The following SPTBN4 variants were observed in gnomAD, a reference collection of about 807,000 sequenced individuals.
SPTBN4 encodes spectrin beta, non-erythrocytic 4, also known as spectrin beta chain, non-erythrocytic 4.
A neutral mutation model predicts 277.8 loss-of-function variants in SPTBN4; 96 were observed. The observed-to-expected ratio is 0.35, with a 90% CI of 0.29 to 0.41. SPTBN4 has a LOEUF of 0.41. Among genes scored for constraint, SPTBN4 ranks in the 10% least tolerant of loss-of-function variants. The pLI, the probability that SPTBN4 is intolerant of heterozygous loss-of-function variation, is 1.00. For synonymous variants in SPTBN4, 1,481 were observed against 1,580.3 expected, an observed-to-expected ratio of 0.94 and a Z score of 1.49; for missense variants, 3,006 against 3,595.7, an observed-to-expected ratio of 0.84 and a Z score of 4.19.
At position 40,567,701 on chromosome 19, in the gene SPTBN4, T is replaced by C; in HGVS notation, c.6375T>C (p.Pro2125=). Residue 2125 remains proline, a synonymous_variant, in exon 31 of 36, where the codon CCT becomes CCC. Coordinates refer to ENST00000598249, the MANE Select transcript of SPTBN4 (RefSeq NM_020971.3). ...AAGCGGAACAGAGCAAGCAGCCGCC[T>C]ACCCCACTGCTGGGGCGCAAGTTCT... is the stretch of plus-strand genomic sequence containing the variant. ...KIKAEQSKQP[P]TPLLGRKFFG... is the part of the protein sequence containing the mutation. The C allele has an allele frequency of 3.3e-6, 5 of 1,523,972 alleles. No individual in the cohort carries two copies. The highest frequency in any genetic ancestry group is 4.4e-6 in the Non-Finnish European group (5 of 1,133,190). 94.4% of individuals were successfully genotyped at this position (1,523,972 alleles called of 1,614,324 possible). A position where few individuals can be genotyped will look rare whatever the true frequency, so the allele number is the denominator to read the frequency against.
chr19:40,566,153 C>T lies in SPTBN4; in HGVS notation c.6140-10C>T. The T allele has an allele frequency of 6.7e-7, 1 of 1,496,870 alleles. No individual in the cohort carries two copies. Among genetic ancestry groups the T allele is most frequent in the Non-Finnish European group, 9.0e-7 (1 of 1,116,924 alleles). 92.7% of individuals were successfully genotyped at this position (1,496,870 alleles called of 1,614,324 possible). On this transcript the variant is annotated splice_polypyrimidine_tract_variant and intron_variant, in intron 29 of 35. Coordinates refer to ENST00000598249, the MANE Select transcript of SPTBN4 (RefSeq NM_020971.3). ...GCCCCAGAATCCTTACCCTGCATGC[C>T]CCTCCTCAGTGCTGGAGGTGCACCA...
chr19:40,512,594 C>T lies in SPTBN4; in HGVS notation c.1817-12C>T. ...GTGACCAATCCTGGATGCTCCCCTT[C>T]TCCTGGCTCAGGCTACCAGCCCTGC... On this transcript the variant is annotated splice_polypyrimidine_tract_variant and intron_variant, in intron 13 of 35. Coordinates refer to ENST00000598249, the MANE Select transcript of SPTBN4 (RefSeq NM_020971.3). 1 of 1,521,008 alleles carries T rather than the reference C, an allele frequency of 6.6e-7. No individual in the cohort carries two copies. The allele number at this position is 1,521,008 out of a possible 1,614,324, so 94.2% of individuals were successfully genotyped here. A position where few individuals can be genotyped will look rare whatever the true frequency, so the allele number is the denominator to read the frequency against.
Position 40,519,621 on chromosome 19 carries a change from C to A in SPTBN4, c.3124C>A (p.Leu1042Met). ...GCTGGAGCCGCGCCAGGCGGCCCTT[C>A]TGGAGGAGGCAGCCCTGCTGGCTGA... ...QALEPRQAAL[L>M]EEAALLAERF... Residue 1042 changes from leucine to methionine, a missense_variant, in exon 16 of 36, where the codon CTG (leucine) becomes ATG (methionine). This residue lies in a region of SPTBN4 where 1,759 missense variants were observed against 2,061.5 expected (regional missense o/e 0.85). Transcript: ENST00000598249. This position sits in a 1 kb window ranked among gnomAD's most constrained non-coding sequence, Gnocchi z 5.7. The A allele has an allele frequency of 6.9e-7, 1 of 1,446,180 alleles. No individual in the cohort carries two copies. The highest frequency in any genetic ancestry group is 3.1e-5 in the Admixed American group (1 of 32,554). The allele number at this position is 1,446,180 out of a possible 1,614,324, so 89.6% of individuals were successfully genotyped here. A position where few individuals can be genotyped will look rare whatever the true frequency, so the allele number is the denominator to read the frequency against.
chr19:40,558,337 A>G (rs897595321), intron 26 of SPTBN4, among the ~76,000 whole-genome samples: 1 of 150,590 alleles, frequency 6.6e-6, no homozygotes, highest in African/African-American at 2.4e-5. Flanking sequence ...AGCCTGGGCG[A>G]CAGAGTGAGA....
chr19:40,535,169 C>T (rs540846502), intron 20 of SPTBN4, among the ~76,000 whole-genome samples: 4 of 152,308 alleles, frequency 2.6e-5, no homozygotes, highest in African/African-American at 9.6e-5. Context: ...GATTCTCCCA[C>T]TTCAGCCTTC....
chr19:40,489,785 G>T (rs897491794), intron 3 of SPTBN4, among the ~76,000 whole-genome samples: 2 of 152,230 alleles, frequency 1.3e-5, no homozygotes, highest in South Asian at 4.1e-4. Context: ...CATGATGGGG[G>T]CGTGGTTATC....
intron 31 of SPTBN4, 86 bp downstream of exon 31, chr19:40,568,368 C>CA (rs2145956211): frequency 2.8e-6 from 4 of 1,448,494 alleles, no homozygotes; most frequent in Non-Finnish European, 3.6e-6. Context: ...GAAAGGGCTT[C>CA]AGGGCTCAGA....
chr19:40,470,337 G>A (rs774471690), intron 1 of SPTBN4, among the ~76,000 whole-genome samples: 2 of 150,690 alleles, frequency 1.3e-5, no homozygotes, highest in Non-Finnish European at 3.0e-5. Flanking sequence ...ATGGTGTCTC[G>A]CCCTGTTGCC....
chr19:40,506,866 T>C (rs1003367302), intron 13 of SPTBN4, among the ~76,000 whole-genome samples: 7 of 152,136 alleles, frequency 4.6e-5, no homozygotes, highest in Admixed American at 6.6e-5. Flanking sequence ...AAGCCTGTAG[T>C]GCCAGCTATT....
In SPTBN4 at chr19:40,515,471, G is replaced by T; in HGVS notation, c.2903+23G>T. 1 of 1,540,046 alleles carries T rather than the reference G, an allele frequency of 6.5e-7. No homozygotes were observed. Among genetic ancestry groups the T allele is most frequent in the Non-Finnish European group, 8.8e-7 (1 of 1,141,832 alleles). On this transcript the variant is annotated intron_variant, in intron 15 of 35. Coordinates refer to ENST00000598249, the MANE Select transcript of SPTBN4 (RefSeq NM_020971.3). The surrounding 1 kb of genome is among the most constrained non-coding windows in gnomAD (Gnocchi z 4.1). ...CAGGTAGGAGGGCCTGGGGCTGGGAGTCCCTCCCATCCTTCCCTTCCACAC... is the reference window on the plus strand; with the variant it reads ...CAGGTAGGAGGGCCTGGGGCTGGGATTCCCTCCCATCCTTCCCTTCCACAC...
Position 40,519,725 on chromosome 19 carries a change from G to A in SPTBN4, c.3228G>A (p.Ala1076=). ...LGAEWGALAS[A]AQACGEAVAA... Reference sequence around the variant, plus strand: ...CCGAGTGGGGCGCGCTAGCTAGCGCGGCTCAGGCCTGCGGCGAGGCGGTGG... The same window carrying A: ...CCGAGTGGGGCGCGCTAGCTAGCGCAGCTCAGGCCTGCGGCGAGGCGGTGG... The change falls in exon 16 of 36, where the codon GCG becomes GCA. Residue 1076 remains alanine (A), a synonymous_variant. Coordinates refer to ENST00000598249, the MANE Select transcript of SPTBN4 (RefSeq NM_020971.3). This position sits in a 1 kb window ranked among gnomAD's most constrained non-coding sequence, Gnocchi z 5.7. The A allele has an allele frequency of 1.4e-6, 2 of 1,395,144 alleles. No individual in the cohort carries two copies. Among genetic ancestry groups the A allele is most frequent in the East Asian group, 3.0e-5 (1 of 33,162 alleles). The allele number at this position is 1,395,144 out of a possible 1,614,324, so 86.4% of individuals were successfully genotyped here.
intron 24 of SPTBN4, among the ~76,000 whole-genome samples, chr19:40,555,741 G>A (rs1286190729): frequency 2.0e-5 from 3 of 151,894 alleles, no homozygotes; most frequent in African/African-American, 7.3e-5. Context: ...GGAACATAGT[G>A]AGACCTCATC....
intron 20 of SPTBN4, chr19:40,534,626 C>G: frequency 2.4e-6 from 1 of 421,586 alleles, no homozygotes; most frequent in Non-Finnish European, 4.4e-6. Context: ...AGGACCCTGA[C>G]ACTCATTTCC....
At chr19:40,468,599 C>T (rs553775314) in intron 1 of SPTBN4, among the ~76,000 whole-genome samples, 26 of 152,246 alleles carry the variant, frequency 1.7e-4, no homozygotes, top group African/African-American at 5.8e-4. Flanking sequence ...AGGCCGGTCT[C>T]GAATTCCTGG....
chr19:40,543,415 A>G (rs1056336376), intron 20 of SPTBN4, among the ~76,000 whole-genome samples: 5 of 152,156 alleles, frequency 3.3e-5, no homozygotes, highest in Non-Finnish European at 1.5e-5. Context: ...GTGATTACCC[A>G]TGACTCTCTA....
Position 40,520,068 on chromosome 19 carries a change from C to G in SPTBN4, c.3571C>G (p.Arg1191Gly). The G allele has an allele frequency of 6.6e-7, 1 of 1,514,982 alleles. No homozygotes were observed. Among genetic ancestry groups the G allele is most frequent in the Non-Finnish European group, 8.8e-7 (1 of 1,136,292 alleles). The allele number at this position is 1,514,982 out of a possible 1,614,324, so 93.8% of individuals were successfully genotyped here. ...WHKLLGLWEA[R>G]REALVQAHIY... ...TAAACTGCTCGGCTTGTGGGAGGCG[C>G]GCAGGGAGGCGCTGGTCCAGGCGCA... Residue 1191 changes from arginine to glycine, a missense_variant, in exon 16 of 36, where the codon CGC (arginine) becomes GGC (glycine). Around this residue, in one of 5 missense-constraint regions of SPTBN4, gnomAD observed 1,759 missense variants for 2,061.5 expected, o/e 0.85. Transcript: ENST00000598249.
intron 18 of SPTBN4, among the ~76,000 whole-genome samples, chr19:40,531,470 T>G (rs1266569321): frequency 9.3e-5 from 5 of 53,910 alleles, no homozygotes; most frequent in African/African-American, 3.6e-4. Flanking sequence ...GTTTGTTTTT[T>G]TTTTTTTTTT....
At chr19:40,567,071 C>A in intron 30 of SPTBN4, 1 of 452,496 alleles carries the variant, frequency 2.2e-6, no homozygotes, top group Non-Finnish European at 4.4e-6. Context: ...CACTTGAACC[C>A]AGGAGTTCAA....
chr19:40,474,151 C>CAA lies in SPTBN4; in HGVS notation c.169+1388_169+1389dup, dbSNP rs71173641. Among the ~76,000 whole-genome samples, 117 of 34,474 alleles carry CAA rather than the reference C, an allele frequency of 3.4e-3. 5 individuals carry two copies. The highest frequency in any genetic ancestry group is 0.011 in the African/African-American group (86 of 7,616). The allele number at this position is 34,474 out of a possible 152,430, so 22.6% of individuals were successfully genotyped here. ...CCAGCAGTAAAGCAAGAACCTATCT[C>CAA]AAAAAAAAAAAAAAAAAAAAAAAAA... On this transcript the variant is annotated intron_variant, in intron 2 of 35. Coordinates refer to ENST00000598249, the MANE Select transcript of SPTBN4 (RefSeq NM_020971.3).
Sources: gnomAD v4.1 joint callset for allele counts (sites outside exome capture counted in the v4.1 genomes callset) on GRCh38, gnomAD v4.1.1 for gene constraint, gnomAD v4.1.1 regional missense constraint, Gnocchi (gnomAD v3.1) non-coding constraint, MANE v1.5 for transcripts, NCBI Gene and HGNC (gene_info 2026-07-23, HGNC 2026-07-21) for gene names.